The following GRAMD1A variants were observed in gnomAD, a reference collection of about 807,000 sequenced individuals.
The protein encoded by GRAMD1A is protein Aster-A.
GRAMD1A carries 50 observed loss-of-function variants against 92.0 expected under a neutral mutation model. That is an observed-to-expected ratio of 0.54 (90% CI 0.43 to 0.69). GRAMD1A has a LOEUF of 0.69. Ranked by LOEUF, GRAMD1A falls within the 30% of genes least tolerant of loss-of-function variation. The pLI is 0.00. For synonymous variants in GRAMD1A, 405 were observed against 403.6 expected, an observed-to-expected ratio of 1.00 and a Z score of -0.04; for missense variants, 819 against 978.9, an observed-to-expected ratio of 0.84 and a Z score of 2.18.
chr19:34,996,003 C>T (rs1028560366), upstream of GRAMD1A: 34 of 1,519,400 alleles, frequency 2.2e-5, no homozygotes, highest in African/African-American at 1.5e-4. Context: ...GAGACCACAC[C>T]GCTGTTCCAG....
At chr19:35,016,375 T>A (rs924175518) in intron 11 of GRAMD1A, among the ~76,000 whole-genome samples, 3 of 151,530 alleles carry the variant, frequency 2.0e-5, no homozygotes, top group Admixed American at 6.6e-5. Context: ...GGTGGGCAGA[T>A]CACTAGAGGT....
At chr19:35,009,356 G>A in intron 2 of GRAMD1A, 27 bp downstream of exon 2, 1 of 1,613,766 alleles carries the variant, frequency 6.2e-7, no homozygotes, top group South Asian at 1.1e-5. Context: ...GTGGGGTGGG[G>A]AGAGGGCTAG....
rs1001788772 is a variant in GRAMD1A, at chr19:35,026,416, T to C, written c.*275T>C. 1 of 506,118 alleles carries C rather than the reference T, an allele frequency of 2.0e-6. No homozygotes were observed. The highest frequency in any genetic ancestry group is 3.6e-6 in the Non-Finnish European group (1 of 281,588). The allele number at this position is 506,118 out of a possible 1,614,324, so 31.4% of individuals were successfully genotyped here. On this transcript the variant is annotated 3_prime_UTR_variant, in exon 20 of 20. Transcript: ENST00000317991. ...TGCACGATTCCCTCAGCTCTGGGTT[T>C]AATGTATTATATTTATTTGGGGCCG...
Position 35,010,366 on chromosome 19 carries a change from C to G in GRAMD1A, c.512C>G (p.Thr171Arg). 1 of 1,611,918 alleles carries G rather than the reference C, an allele frequency of 6.2e-7. No individual in the cohort carries two copies. The highest frequency in any genetic ancestry group is 8.5e-7 in the Non-Finnish European group (1 of 1,177,902). The change falls in exon 6 of 20, where the codon ACG becomes AGG. Residue 171 changes from threonine to arginine, a missense_variant. Thr to Arg is a moderately conservative substitution (Grantham distance 71). Around this residue, in one of 3 missense-constraint regions of GRAMD1A, gnomAD observed 144 missense variants for 220.3 expected, o/e 0.65. Transcript: ENST00000317991. Reference protein sequence around the residue: ...KLIPNAIQICTESEKHFFTSF... With the variant: ...KLIPNAIQICRESEKHFFTSF... Reference sequence around the variant, plus strand: ...ATCCCCAACGCCATCCAGATCTGCACGGAGAGCGAGAAGGTGACGGAGGAC... The same window carrying G: ...ATCCCCAACGCCATCCAGATCTGCAGGGAGAGCGAGAAGGTGACGGAGGAC...
intron 12 of GRAMD1A, 21 bp from the exon 13 acceptor site, chr19:35,019,370 T>C (rs2015876986): frequency 6.2e-7 from 1 of 1,613,544 alleles, no homozygotes; most frequent in African/African-American, 1.3e-5. Flanking sequence ...GGCCCTGACT[T>C]CTCCGGCTCT....
upstream of GRAMD1A, chr19:35,000,180 C>T (rs2014234687): frequency 2.0e-6 from 2 of 1,012,038 alleles, no homozygotes; most frequent in African/African-American, 1.7e-5. This position sits in a 1 kb window ranked among gnomAD's most constrained non-coding sequence, Gnocchi z 4.9. Flanking sequence ...TCCAGTCCCT[C>T]TCTCCCCGGC....
intron 19 of GRAMD1A, chr19:35,024,873 C>T (rs2016327379): frequency 6.6e-6 from 1 of 152,004 alleles, no homozygotes; most frequent in African/African-American, 2.4e-5. Context: ...ATCGCTGCCT[C>T]GAACTCCTGA....
At chr19:35,014,500 T>G in intron 10 of GRAMD1A, 113 bp downstream of exon 10, 1 of 899,196 alleles carries the variant, frequency 1.1e-6, no homozygotes, top group Non-Finnish European at 1.8e-6. Context: ...GCAGGCGGGA[T>G]GGCGTTCAGG....
At chr19:35,017,158 G>C (rs1455061704) in intron 11 of GRAMD1A, among the ~76,000 whole-genome samples, 5 of 147,838 alleles carry the variant, frequency 3.4e-5, no homozygotes, top group Admixed American at 6.8e-5. Flanking sequence ...CTGGGTGACA[G>C]AGAGAGACTC....
Position 35,011,622 on chromosome 19 carries a change from G to A in GRAMD1A, c.606+68G>A, listed in dbSNP as rs2015251133. The A allele has an allele frequency of 9.7e-6, 11 of 1,139,352 alleles. No individual in the cohort carries two copies. In the South Asian group the frequency reaches 1.4e-4, roughly 14 times the overall value. The allele number at this position is 1,139,352 out of a possible 1,614,324, so 70.6% of individuals were successfully genotyped here. The stretch of plus-strand genomic sequence containing the variant: ...GGGGACCATGGAGCCAGGGACCCCA[G>A]AACTTGCGGAGCTGGAGGCAGCCCT... On this transcript the variant is annotated intron_variant, in intron 7 of 19. Transcript: ENST00000317991.
chr19:35,019,319 G>T lies in GRAMD1A; in HGVS notation c.1332+10G>T. 1 of 1,612,380 alleles carries T rather than the reference G, an allele frequency of 6.2e-7. No individual in the cohort carries two copies. The highest frequency in any genetic ancestry group is 2.2e-5 in the East Asian group (1 of 44,852). On this transcript the variant is annotated intron_variant, in intron 12 of 19. Transcript: ENST00000317991. ...CGTGGTGGAGACACAGGTGGGCCAGGTGGGGCAGCCGAGTGGGTGGGGCAG... is the reference window on the plus strand; with the variant it reads ...CGTGGTGGAGACACAGGTGGGCCAGTTGGGGCAGCCGAGTGGGTGGGGCAG...
chr19:35,021,403 C>G lies in GRAMD1A; in HGVS notation c.1476-99C>G. ...TTTTGTCTGTGAGTGACAAGGGGCC[C>G]TCTCTGAATTAGGGGAAGGAAAAAA... is the stretch of plus-strand genomic sequence containing the variant. On this transcript the variant is annotated intron_variant, in intron 13 of 19. Coordinates refer to ENST00000317991, the MANE Select transcript of GRAMD1A (RefSeq NM_020895.5). The surrounding 1 kb of genome is among the most constrained non-coding windows in gnomAD (Gnocchi z 5.3). 1.2e-6 allele frequency: 1 copy of G among 853,730 alleles called. No individual in the cohort carries two copies. Among genetic ancestry groups the G allele is most frequent in the Non-Finnish European group, 2.0e-6 (1 of 504,246 alleles). The allele number at this position is 853,730 out of a possible 1,614,324, so 52.9% of individuals were successfully genotyped here.
chr19:35,009,995 C>G (rs759214014), intron 4 of GRAMD1A, 23 bp downstream of exon 4: 65 of 1,577,582 alleles, frequency 4.1e-5, no homozygotes, highest in Non-Finnish European at 5.7e-5. Context: ...CCCCCAGTCC[C>G]AGCTCCTAGC....
In GRAMD1A at chr19:35,000,515, A is replaced by G; in HGVS notation, c.8+29A>G. The stretch of plus-strand genomic sequence containing the variant: ...AGGACCGGGCGACTAGAGCTCAGGG[A>G]CCGGGCGCGCGGGGGAGGCCACCGG... On this transcript the variant is annotated intron_variant, in intron 1 of 19. Coordinates refer to ENST00000317991, the MANE Select transcript of GRAMD1A (RefSeq NM_020895.5). This position sits in a 1 kb window ranked among gnomAD's most constrained non-coding sequence, Gnocchi z 4.9. 1 of 1,253,822 alleles carries G rather than the reference A, an allele frequency of 8.0e-7. No individual in the cohort carries two copies. The highest frequency in any genetic ancestry group is 1.0e-6 in the Non-Finnish European group (1 of 993,304). The allele number at this position is 1,253,822 out of a possible 1,614,324, so 77.7% of individuals were successfully genotyped here. A position where few individuals can be genotyped will look rare whatever the true frequency, so the allele number is the denominator to read the frequency against.
At chr19:35,003,138 CTGTGCGTGTGTGTG>C (rs1356550869) in intron 1 of GRAMD1A, among the ~76,000 whole-genome samples, 3 of 111,560 alleles carry the variant, frequency 2.7e-5, no homozygotes, top group Non-Finnish European at 5.6e-5. Context: ...TGCTGTTGCT[CTGTGCGTGTGTGTG>C]TGTGTGTGTG....
At chr19:35,001,065 C>G (rs1021883094) in intron 1 of GRAMD1A, 1 of 152,278 alleles carries the variant, frequency 6.6e-6, no homozygotes, top group Non-Finnish European at 1.5e-5. Flanking sequence ...CCTGTGTGCT[C>G]GGAATTGACT....
chr19:34,997,717 A>G (rs577510444), upstream of GRAMD1A, among the ~76,000 whole-genome samples: 2 of 152,308 alleles, frequency 1.3e-5, no homozygotes, highest in Admixed American at 1.3e-4. Flanking sequence ...TTAAAAAGAT[A>G]CTGGATAATA....
At chr19:35,001,936 A>G (rs531122902) in intron 1 of GRAMD1A, among the ~76,000 whole-genome samples, 70 of 152,212 alleles carry the variant, frequency 4.6e-4, no homozygotes, top group African/African-American at 1.6e-3. Flanking sequence ...CTGTGTGCCA[A>G]TGTAAGTTAC....
chr19:35,023,574 CG>C (rs1280673963), intron 19 of GRAMD1A, 27 bp downstream of exon 19: 19 of 1,542,970 alleles, frequency 1.2e-5, no homozygotes, highest in Non-Finnish European at 1.7e-5. Context: ...GGGCAGGGCT[CG>C]GGGCTGCGGG....
Sources: gnomAD v4.1 joint callset for allele counts (sites outside exome capture counted in the v4.1 genomes callset) on GRCh38, gnomAD v4.1.1 for gene constraint, gnomAD v4.1.1 regional missense constraint, Gnocchi (gnomAD v3.1) non-coding constraint, MANE v1.5 for transcripts, NCBI Gene and HGNC (gene_info 2026-07-23, HGNC 2026-07-21) for gene names.